The following RBFOX1 variants were observed in gnomAD, a reference collection of about 807,000 sequenced individuals.
RBFOX1 encodes the protein RNA binding fox-1 homolog 1.
In RBFOX1, 8 loss-of-function variants were observed where a neutral mutation model predicts 57.7. That is an observed-to-expected ratio of 0.14 (90% confidence interval 0.08 to 0.25). RBFOX1 has a LOEUF of 0.25. Among genes scored for constraint, RBFOX1 ranks in the 10% least tolerant of loss-of-function variants. The pLI is 1.00. For synonymous variants in RBFOX1, 326 were observed against 222.4 expected (o/e 1.47, Z -4.15); for missense variants, 611 against 548.5 (o/e 1.11, Z -1.14).
chr16:5,833,461 C>T (rs1597424592), intron 3 of RBFOX1, among the ~76,000 whole-genome samples: 2 of 147,326 alleles, frequency 1.4e-5, no homozygotes, highest in South Asian at 4.3e-4. Flanking sequence ...CACCACTGCA[C>T]TCCAGCCTGG....
intron 3 of RBFOX1, among the ~76,000 whole-genome samples, chr16:6,886,372 C>T (rs1372406256): frequency 6.6e-6 from 1 of 151,940 alleles, no homozygotes; most frequent in Non-Finnish European, 1.5e-5. Context: ...CAGTGAAGCA[C>T]CTTACGTGTG....
Position 7,304,232 on chromosome 16 carries a change from G to GAC in RBFOX1, c.28-213914_28-213913insCA, listed in dbSNP as rs970867587. 8 of 983,770 alleles carry GAC rather than the reference G, an allele frequency of 8.1e-6. No homozygotes were observed. In the African/African-American group the frequency reaches 1.4e-4, roughly 17 times the overall value. The allele number at this position is 983,770 out of a possible 1,614,324, so 60.9% of individuals were successfully genotyped here. On this transcript the variant is annotated intron_variant, in intron 4 of 15. Transcript: ENST00000550418. Reference sequence around the variant, plus strand: ...AGAGAGACAGAGAGAGAGAGAGAGAGAGAGAGAGAGAGAGACAGCGCGAGC... The same window carrying GAC: ...AGAGAGACAGAGAGAGAGAGAGAGAGACAGAGAGAGAGAGAGACAGCGCGAGC...
rs1010693933 is a variant in RBFOX1, at chr16:7,157,242, C to T, written c.27+105144C>T. On this transcript the variant is annotated intron_variant, in intron 4 of 15. Transcript: ENST00000550418. ...GTGTGCATTGGCTGGCAGCTGCCTG[C>T]CATGAATGCTACCCAGGCTCTCAAA... 3.9e-5 allele frequency among the ~76,000 whole-genome samples: 6 copies of T among 152,300 alleles called. No homozygotes were observed. The East Asian group carries it at 9.6e-4, about 24-fold the overall frequency.
intron 3 of RBFOX1, among the ~76,000 whole-genome samples, chr16:5,742,866 G>T (rs1180042349): frequency 1.3e-5 from 2 of 152,208 alleles, no homozygotes; most frequent in Non-Finnish European, 2.9e-5. Context: ...AACTTCATTT[G>T]GGCCGAGAGA....
chr16:6,795,446 C>T (rs933114453), intron 3 of RBFOX1, among the ~76,000 whole-genome samples: 6 of 152,004 alleles, frequency 3.9e-5, no homozygotes, highest in Middle Eastern at 6.8e-3. Flanking sequence ...TTTTAAGTTA[C>T]GTCTTTATCA....
At chr16:5,639,345 C>T (rs576289852) in intron 3 of RBFOX1, among the ~76,000 whole-genome samples, 1 of 152,182 alleles carries the variant, frequency 6.6e-6, no homozygotes, top group Non-Finnish European at 1.5e-5. Flanking sequence ...TTGGCAACAT[C>T]TCATCCACAG....
At chr16:7,580,008 C>T in intron 6 of RBFOX1, 88 bp downstream of exon 6, 1 of 1,424,704 alleles carries the variant, frequency 7.0e-7, no homozygotes, top group Non-Finnish European at 9.7e-7. Context: ...ATTTACAATA[C>T]TAAGGTTAGA....
At chr16:5,478,982 C>T (rs1478467525) in intron 2 of RBFOX1, among the ~76,000 whole-genome samples, 2 of 152,130 alleles carry the variant, frequency 1.3e-5, no homozygotes, top group African/African-American at 4.8e-5. Flanking sequence ...GGCTCCTTTA[C>T]CCCCTACCCA....
At chr16:6,878,029 C>T (rs185300240) in intron 3 of RBFOX1, among the ~76,000 whole-genome samples, 5 of 152,128 alleles carry the variant, frequency 3.3e-5, no homozygotes, top group Non-Finnish European at 5.9e-5. Context: ...ATGTTGTTGC[C>T]TCTAAGAGGG....
At chr16:6,613,914 G>T (rs148643149) in intron 2 of RBFOX1, among the ~76,000 whole-genome samples, 1 of 152,062 alleles carries the variant, frequency 6.6e-6, no homozygotes, top group Non-Finnish European at 1.5e-5. Flanking sequence ...CTCCAGCCTG[G>T]GCGACAGAGT....
At chr16:6,595,743 G>T (rs1013885704) in intron 2 of RBFOX1, among the ~76,000 whole-genome samples, 1 of 152,088 alleles carries the variant, frequency 6.6e-6, no homozygotes, top group African/African-American at 2.4e-5. Flanking sequence ...TTTGACAATA[G>T]CCATTTTGAT....
chr16:5,356,695 A>C (rs2065398884), intron 1 of RBFOX1, among the ~76,000 whole-genome samples: 1 of 152,218 alleles, frequency 6.6e-6, no homozygotes, highest in African/African-American at 2.4e-5. Flanking sequence ...GGGAAATGGC[A>C]AACAGTGAGT....
At chr16:5,587,415 A>T (rs11859722) in intron 2 of RBFOX1, among the ~76,000 whole-genome samples, 15 of 152,368 alleles carry the variant, frequency 9.8e-5, no homozygotes, top group African/African-American at 3.4e-4. Context: ...GCTAGAATCT[A>T]AAAGTCAGAT....
At chr16:7,030,290 C>T (rs1016612192) in intron 3 of RBFOX1, among the ~76,000 whole-genome samples, 1 of 151,982 alleles carries the variant, frequency 6.6e-6, no homozygotes, top group African/African-American at 2.4e-5. Context: ...ACTTTCATAC[C>T]CATTTTACAG....
chr16:7,521,869 T>A (rs1042167963), intron 5 of RBFOX1, among the ~76,000 whole-genome samples: 1 of 152,170 alleles, frequency 6.6e-6, no homozygotes, highest in African/African-American at 2.4e-5. Flanking sequence ...TTGGAACGTG[T>A]CCATCAGCTT....
At chr16:5,875,563 A>G (rs1362147077) in intron 4 of RBFOX1, among the ~76,000 whole-genome samples, 1 of 152,218 alleles carries the variant, frequency 6.6e-6, no homozygotes, top group Non-Finnish European at 1.5e-5. Flanking sequence ...TAAGTAGTCC[A>G]TAATACACAC....
intron 4 of RBFOX1, among the ~76,000 whole-genome samples, chr16:5,955,354 A>AG (rs2059612768): frequency 3.6e-3 from 39 of 10,976 alleles, no homozygotes; most frequent in Admixed American, 4.6e-3. Context: ...AATAAAATAA[A>AG]TAAAAATAAA....
chr16:6,351,363 T>TAC (rs1385504707), intron 2 of RBFOX1, among the ~76,000 whole-genome samples: 3 of 98,614 alleles, frequency 3.0e-5, no homozygotes, highest in African/African-American at 1.5e-4. Context: ...TATATATATA[T>TAC]ATATATATAT....
chr16:6,157,964 T>C (rs555711338), intron 1 of RBFOX1, among the ~76,000 whole-genome samples: 1 of 152,338 alleles, frequency 6.6e-6, no homozygotes, highest in African/African-American at 2.4e-5. Flanking sequence ...CTAATTACTA[T>C]GAGCAGAAAG....
Sources: allele counts gnomAD v4.1 joint callset (sites outside exome capture counted in the v4.1 genomes callset), GRCh38; gene constraint gnomAD v4.1.1; transcripts MANE v1.5; gene names NCBI Gene and HGNC (gene_info 2026-07-23, HGNC 2026-07-21).